PHF2: variants seen among roughly 807,000 people sequenced by gnomAD.
PHF2 encodes lysine-specific demethylase PHF2.
Under a neutral mutation model 120.5 loss-of-function variants are expected in PHF2, and 27 were observed. The ratio of observed to expected loss-of-function variants is 0.22; its 90% CI spans 0.17 to 0.31. The LOEUF (loss-of-function observed/expected upper bound fraction) is 0.31, where lower values mean the gene tolerates loss of function less well. PHF2 is among the 10% of genes least tolerant of loss of function. The pLI is 1.00. For missense variants in PHF2, 1,024 were observed against 1,434.8 expected (o/e 0.71, Z 4.63); for synonymous variants, 568 against 592.5 (o/e 0.96, Z 0.60).
chr9:93,584,781 G>A (rs1481059296), intron 1 of PHF2, among the ~76,000 whole-genome samples: 3 of 152,160 alleles, frequency 2.0e-5, no homozygotes, highest in East Asian at 1.9e-4. Context: ...CAAAAAAACC[G>A]CTGTTGGAAT....
intron 2 of PHF2, among the ~76,000 whole-genome samples, chr9:93,634,196 C>T (rs1826053796): frequency 1.3e-5 from 2 of 152,148 alleles, no homozygotes; most frequent in Admixed American, 1.3e-4. Flanking sequence ...GCAGGGAAGG[C>T]ACTTTGTGAA....
Position 93,659,747 on chromosome 9 carries a change from G to T in PHF2, c.1329+147G>T, listed in dbSNP as rs371223458. On this transcript the variant is annotated intron_variant, in intron 11 of 21. Coordinates refer to ENST00000359246, the MANE Select transcript of PHF2 (RefSeq NM_005392.4). ...AGATGGTCCTCCTTGCACTTTCCTG[G>T]GCAAGCTTGCCTTTGTGAGGGCTCA... 16 of 717,288 alleles carry T rather than the reference G, an allele frequency of 2.2e-5. 3 individuals carry two copies. Among genetic ancestry groups the T allele is most frequent in the African/African-American group, 7.1e-5 (4 of 56,504 alleles). The allele number at this position is 717,288 out of a possible 1,614,324, so 44.4% of individuals were successfully genotyped here.
chr9:93,605,984 CT>C (rs200603604), intron 1 of PHF2, among the ~76,000 whole-genome samples: 1 of 151,310 alleles, frequency 6.6e-6, no homozygotes, highest in East Asian at 1.9e-4. Flanking sequence ...GGTTTTTTTT[CT>C]TTTTTTTCAA....
intron 2 of PHF2, among the ~76,000 whole-genome samples, chr9:93,630,400 G>GC (rs1259136743): frequency 6.6e-6 from 1 of 152,170 alleles, no homozygotes; most frequent in South Asian, 2.1e-4. Context: ...TTTTCTAGGG[G>GC]CCCCCAGCCT....
chr9:93,607,940 T>TAGA (rs1825569690), intron 1 of PHF2, among the ~76,000 whole-genome samples: 1 of 128,310 alleles, frequency 7.8e-6, no homozygotes, highest in African/African-American at 3.1e-5. Context: ...GGGAAAGAGA[T>TAGA]GAGAGAGAGA....
intron 1 of PHF2, among the ~76,000 whole-genome samples, chr9:93,609,436 AT>A (rs1825597986): frequency 6.6e-6 from 1 of 151,888 alleles, no homozygotes; most frequent in Non-Finnish European, 1.5e-5. Flanking sequence ...TTCTTTTAAC[AT>A]TTCTTGCAAG....
In PHF2 at chr9:93,656,137, T is replaced by A. The variant is rs1826455785; in HGVS notation, c.1040+116T>A. On this transcript the variant is annotated intron_variant, in intron 8 of 21. Coordinates refer to ENST00000359246, the MANE Select transcript of PHF2 (RefSeq NM_005392.4). The surrounding 1 kb of genome is among the most constrained non-coding windows in gnomAD (Gnocchi z 4.1). Reference sequence around the variant, plus strand: ...TGGCACAGCCCGCCTGTGGGTGGCCTGGACATGACCGTCAGCCTCGGTGGG... The same window carrying A: ...TGGCACAGCCCGCCTGTGGGTGGCCAGGACATGACCGTCAGCCTCGGTGGG... 5.0e-6 allele frequency: 4 copies of A among 797,542 alleles called. No homozygotes were observed. In the South Asian group the frequency reaches 6.6e-5, roughly 13 times the overall value. 49.4% of individuals were successfully genotyped at this position (797,542 alleles called of 1,614,324 possible). A position where few individuals can be genotyped will look rare whatever the true frequency, so the allele number is the denominator to read the frequency against.
intron 5 of PHF2, among the ~76,000 whole-genome samples, chr9:93,652,964 G>T (rs533539352): frequency 6.6e-6 from 1 of 152,162 alleles, no homozygotes. Context: ...GGAGGCCAGC[G>T]TCAGACCCAG....
chr9:93,638,773 C>T (rs1826131925), intron 3 of PHF2, among the ~76,000 whole-genome samples: 1 of 152,160 alleles, frequency 6.6e-6, no homozygotes, highest in South Asian at 2.1e-4. Context: ...GGCTGGAGTA[C>T]AGTAGCACGA....
intron 10 of PHF2, among the ~76,000 whole-genome samples, chr9:93,659,144 C>T (rs1447565349): frequency 2.0e-5 from 3 of 152,210 alleles, no homozygotes; most frequent in Admixed American, 6.5e-5. Flanking sequence ...CAGGGCCATC[C>T]TGCAGCCACC....
chr9:93,663,716 T>G, intron 14 of PHF2, 81 bp downstream of exon 14: 1 of 755,916 alleles, frequency 1.3e-6, no homozygotes, highest in Non-Finnish European at 2.3e-6. Flanking sequence ...TCACACCCAC[T>G]GCCTTATACC....
At chr9:93,632,033 A>G (rs758292172) in intron 2 of PHF2, among the ~76,000 whole-genome samples, 21 of 152,108 alleles carry the variant, frequency 1.4e-4, no homozygotes, top group Non-Finnish European at 2.5e-4. Flanking sequence ...CAGGTTTCAC[A>G]TATTGGTGAG....
rs767845692 is a variant in PHF2, at chr9:93,630,047, A to G, written c.176A>G (p.Lys59Arg). Residue 59 changes from lysine to arginine, a missense_variant, in exon 2 of 22, where the codon AAG becomes AGG. Physicochemically the swap from Lys to Arg is conservative, Grantham distance 26 (BLOSUM62 2). Coordinates refer to ENST00000359246, the MANE Select transcript of PHF2 (RefSeq NM_005392.4). Reference sequence around the variant, plus strand: ...CCAAACTGTGAGAAAACCCATGGGAAGTCCACCTGTAAGTACCGCAGCCCA... The same window carrying G: ...CCAAACTGTGAGAAAACCCATGGGAGGTCCACCTGTAAGTACCGCAGCCCA... ...HCPNCEKTHGKSTLKKKRTWH... is the reference protein window; with the variant it reads ...HCPNCEKTHGRSTLKKKRTWH... The G allele has an allele frequency of 1.9e-6, 3 of 1,613,144 alleles. No individual in the cohort carries two copies. The highest frequency in any genetic ancestry group is 2.5e-6 in the Non-Finnish European group (3 of 1,180,004).
intron 1 of PHF2, among the ~76,000 whole-genome samples, chr9:93,581,717 G>A (rs185597443): frequency 1.3e-5 from 2 of 152,316 alleles, no homozygotes; most frequent in African/African-American, 2.4e-5. Context: ...GCCCACGTTT[G>A]TTTGGGGCTG....
intron 16 of PHF2, 75 bp downstream of exon 16, chr9:93,666,135 C>A: frequency 6.7e-7 from 1 of 1,497,368 alleles, no homozygotes; most frequent in Non-Finnish European, 9.2e-7. Context: ...GTTTGAGTGA[C>A]TCCAGGGCGG....
rs541068253 is a variant in PHF2, at chr9:93,611,142, C to T, written c.99-18828C>T. 1.1e-4 allele frequency among the ~76,000 whole-genome samples: 17 copies of T among 152,226 alleles called. No homozygotes were observed. The South Asian group carries it at 2.9e-3, about 26-fold the overall frequency. ...TCAGAAGAGTATTCTTGGCTGGGTG[C>T]GGTGGCTCAACGCCTGTAATCCCAG... On this transcript the variant is annotated intron_variant, in intron 1 of 21. Transcript: ENST00000359246.
intron 3 of PHF2, among the ~76,000 whole-genome samples, chr9:93,641,748 A>G (rs1291254148): frequency 6.6e-6 from 1 of 152,222 alleles, no homozygotes; most frequent in Non-Finnish European, 1.5e-5. Flanking sequence ...TAGTTTCTTG[A>G]CAGCGTCATT....
intron 1 of PHF2, among the ~76,000 whole-genome samples, chr9:93,603,745 C>T (rs1269457612): frequency 4.6e-5 from 7 of 152,196 alleles, no homozygotes; most frequent in African/African-American, 1.7e-4. Context: ...TAGCGCCCCT[C>T]ATCTGCACAC....
intron 1 of PHF2, among the ~76,000 whole-genome samples, chr9:93,614,485 G>T (rs532189852): frequency 4.7e-4 from 72 of 152,344 alleles, no homozygotes; most frequent in South Asian, 2.5e-3. Flanking sequence ...AGGCATCATG[G>T]CTTGGGAGGA....
Sources: gnomAD v4.1 joint callset for allele counts (sites outside exome capture counted in the v4.1 genomes callset) on GRCh38, gnomAD v4.1.1 for gene constraint, Gnocchi (gnomAD v3.1) non-coding constraint, MANE v1.5 for transcripts, NCBI Gene and HGNC (gene_info 2026-07-23, HGNC 2026-07-21) for gene names.